Variants in ACYP2 observed in about 807,000 individuals in gnomAD.
ACYP2 encodes the protein acylphosphatase 2, also known as acylphosphatase-2.
ACYP2 carries 12 observed loss-of-function variants against 11.2 expected under a neutral mutation model. That is an observed-to-expected ratio of 1.08 (90% CI 0.69 to 1.74). The LOEUF is 1.74. ACYP2 is among the 40% of genes most tolerant of loss of function. ACYP2 has a pLI of 0.00. For synonymous variants in ACYP2, 43 were observed against 32.2 expected (o/e 1.33, Z -1.13); for missense variants, 134 against 101.9 (o/e 1.31, Z -1.35).
rs114356088 is a variant in ACYP2, at chr2:54,034,433, A to T, written c.63-16525A>T. 8.0e-3 allele frequency among the ~76,000 whole-genome samples: 1,215 copies of T among 152,324 alleles called. 19 individuals carry two copies. Among genetic ancestry groups the T allele is most frequent in the African/African-American group, 0.028 (1,151 of 41,564 alleles). ...GTGTTTAGATACATCTAGATACACG[A>T]ATACTTACCATTGTGTTACAGTTGC... On this transcript the variant is annotated intron_variant, in intron 2 of 6. Coordinates refer to ENST00000607452, the MANE Select transcript of ACYP2 (RefSeq NM_001320586.2).
chr2:54,055,285 C>G (rs899177755), intron 3 of ACYP2, among the ~76,000 whole-genome samples: 1 of 152,186 alleles, frequency 6.6e-6, no homozygotes, highest in African/African-American at 2.4e-5. Context: ...ATCCACCTGC[C>G]TTGGCCACCC....
At chr2:54,270,656 T>C (rs956342423) in intron 6 of ACYP2, among the ~76,000 whole-genome samples, 1 of 152,142 alleles carries the variant, frequency 6.6e-6, no homozygotes, top group Non-Finnish European at 1.5e-5. Context: ...ATGAATAAAA[T>C]GTAATTACTA....
At chr2:54,278,764 A>G (rs773378317) in intron 6 of ACYP2, among the ~76,000 whole-genome samples, 2 of 152,192 alleles carry the variant, frequency 1.3e-5, no homozygotes, top group South Asian at 2.1e-4. Flanking sequence ...CTATTTACCT[A>G]TAGGTTTCTT....
At chr2:54,027,116 C>T (rs1412704434) in intron 2 of ACYP2, among the ~76,000 whole-genome samples, 1 of 152,116 alleles carries the variant, frequency 6.6e-6, no homozygotes, top group East Asian at 1.9e-4. Flanking sequence ...AGCCAGTTTC[C>T]TCTATTATTA....
intron 6 of ACYP2, among the ~76,000 whole-genome samples, chr2:54,222,549 C>CAAAA (rs10607204): frequency 1.9e-5 from 2 of 106,508 alleles, no homozygotes; most frequent in East Asian, 3.0e-4. Context: ...GACTCTGTCT[C>CAAAA]AAAAAAAAAA....
At chr2:54,172,511 A>T (rs944561854) in intron 6 of ACYP2, among the ~76,000 whole-genome samples, 1 of 152,210 alleles carries the variant, frequency 6.6e-6, no homozygotes, top group African/African-American at 2.4e-5. Flanking sequence ...ATGGCAGTGA[A>T]GGGTGTGAAG....
At chr2:54,133,818 C>T (rs2103772061) in intron 4 of ACYP2, among the ~76,000 whole-genome samples, 1 of 152,284 alleles carries the variant, frequency 6.6e-6, no homozygotes, top group East Asian at 1.9e-4. Context: ...CAGCCTGTCT[C>T]TTGTGTCACC....
intron 6 of ACYP2, among the ~76,000 whole-genome samples, chr2:54,209,478 G>A (rs187273047): frequency 1.3e-5 from 2 of 152,196 alleles, no homozygotes; most frequent in East Asian, 1.9e-4. Context: ...TTCTTATAAG[G>A]TATGTCTTAA....
intron 2 of ACYP2, among the ~76,000 whole-genome samples, chr2:54,012,881 C>G (rs1301018034): frequency 3.3e-5 from 5 of 152,070 alleles, no homozygotes; most frequent in African/African-American, 1.2e-4. Context: ...TTCACAGTAG[C>G]CTACAAGGCC....
chr2:54,223,014 A>G (rs1685863999), intron 6 of ACYP2: 2 of 152,082 alleles, frequency 1.3e-5, no homozygotes, highest in Non-Finnish European at 1.5e-5. Flanking sequence ...TTTCCCTTCT[A>G]TTGAAGCCTT....
At chr2:54,127,142 A>G (rs572323167) in intron 4 of ACYP2, among the ~76,000 whole-genome samples, 9 of 146,760 alleles carry the variant, frequency 6.1e-5, no homozygotes, top group South Asian at 2.1e-4. Flanking sequence ...TGGAAAATAC[A>G]TTTACATCCG....
chr2:54,119,108 G>T lies in ACYP2; in HGVS notation c.278-16345G>T, dbSNP rs1679993650. Among the ~76,000 whole-genome samples the T allele has an allele frequency of 2.4e-5, 3 of 126,760 alleles. No homozygotes were observed. The South Asian group carries it at 7.9e-4, about 33-fold the overall frequency. 83.2% of individuals were successfully genotyped at this position (126,760 alleles called of 152,430 possible). On this transcript the variant is annotated intron_variant, in intron 4 of 6. Coordinates refer to ENST00000607452, the MANE Select transcript of ACYP2 (RefSeq NM_001320586.2). Reference sequence around the variant, plus strand: ...TAACAGGGTCTCATTATGTCACCCGGGCAAGATCATAGCTCACTGCAGCCT... The same window carrying T: ...TAACAGGGTCTCATTATGTCACCCGTGCAAGATCATAGCTCACTGCAGCCT...
chr2:54,078,424 C>CATATAT (rs55705974), intron 4 of ACYP2, among the ~76,000 whole-genome samples: 206 of 139,056 alleles, frequency 1.5e-3, no homozygotes, highest in East Asian at 8.5e-3. Flanking sequence ...ATATGGTACG[C>CATATAT]ATATATATAT....
intron 6 of ACYP2, among the ~76,000 whole-genome samples, chr2:54,188,952 A>G (rs1379341132): frequency 6.6e-6 from 1 of 152,156 alleles, no homozygotes; most frequent in Non-Finnish European, 1.5e-5. Flanking sequence ...TGCCTACCCA[A>G]GGACTTTCTC....
intron 6 of ACYP2, among the ~76,000 whole-genome samples, chr2:54,206,575 G>T (rs1438111132): frequency 6.6e-6 from 1 of 152,210 alleles, no homozygotes; most frequent in African/African-American, 2.4e-5. Flanking sequence ...ATAAGATAAT[G>T]TCCTCGATGA....
At chr2:54,265,401 A>G (rs1359523723) in intron 6 of ACYP2, among the ~76,000 whole-genome samples, 1 of 152,212 alleles carries the variant, frequency 6.6e-6, no homozygotes, top group Non-Finnish European at 1.5e-5. Flanking sequence ...CACCCCCATG[A>G]TTCAGTGATC....
chr2:54,283,740 G>A (rs1422482267), intron 6 of ACYP2, among the ~76,000 whole-genome samples: 1 of 152,184 alleles, frequency 6.6e-6, no homozygotes, highest in Admixed American at 6.5e-5. Flanking sequence ...TAAATACAAC[G>A]GAGTCTACCC....
At chr2:54,172,821 T>C (rs1251486066) in intron 6 of ACYP2, among the ~76,000 whole-genome samples, 1 of 152,128 alleles carries the variant, frequency 6.6e-6, no homozygotes, top group Non-Finnish European at 1.5e-5. Flanking sequence ...CCTGTGATAG[T>C]TTGCTGAGAA....
At chr2:54,201,680 T>TTCTTTCTTTCTCTC (rs1395606887) in intron 6 of ACYP2, among the ~76,000 whole-genome samples, 2 of 107,294 alleles carry the variant, frequency 1.9e-5, no homozygotes, top group Non-Finnish European at 3.8e-5. Flanking sequence ...CTTTCTTTCT[T>TTCTTTCTTTCTCTC]TCTCTCTCTC....
Sources: gnomAD v4.1 joint callset for allele counts (sites outside exome capture counted in the v4.1 genomes callset) on GRCh38, gnomAD v4.1.1 for gene constraint, MANE v1.5 for transcripts, NCBI Gene and HGNC (gene_info 2026-07-23, HGNC 2026-07-21) for gene names.